GPC1: variants seen among roughly 807,000 people sequenced by gnomAD.
GPC1 encodes glypican-1.
A neutral mutation model predicts 51.5 loss-of-function variants in GPC1; 26 were observed. The ratio of observed to expected loss-of-function variants is 0.50; its 90% confidence interval spans 0.37 to 0.70. GPC1 has a LOEUF of 0.70. Ranked by LOEUF, GPC1 falls within the 30% of genes least tolerant of loss-of-function variation. The pLI is 0.00. For synonymous variants in GPC1, 380 were observed against 348.3 expected (o/e 1.09, Z -1.01); for missense variants, 775 against 800.5 (o/e 0.97, Z 0.38).
At chr2:240,462,656 C>G in intron 3 of GPC1, 74 bp downstream of exon 3, 1 of 1,369,004 alleles carries the variant, frequency 7.3e-7, no homozygotes, top group Non-Finnish European at 9.8e-7. Flanking sequence ...TTCCTCTTCC[C>G]CCTACTTTAA....
chr2:240,461,407 C>G (rs1264260585), intron 2 of GPC1, among the ~76,000 whole-genome samples: 1 of 152,230 alleles, frequency 6.6e-6, no homozygotes, highest in Non-Finnish European at 1.5e-5. Flanking sequence ...TAGGGACGCT[C>G]TGAGCAGTTA....
In GPC1 at chr2:240,435,951, A is replaced by T. The variant is rs1197256053; in HGVS notation, c.33A>T (p.Leu11=). Residue 11 remains leucine (L), a synonymous_variant, in exon 1 of 9, where the codon CTA becomes CTT. Transcript: ENST00000264039. ...TCCGGGCCCGAGGCTGGTGGCTGCTATGTGCGGCCGCAGCGCTGGTCGCCT... is the reference window on the plus strand; with the variant it reads ...TCCGGGCCCGAGGCTGGTGGCTGCTTTGTGCGGCCGCAGCGCTGGTCGCCT... The part of the protein sequence containing the change: MELRARGWWL[L]CAAAALVACA... 4 of 1,298,602 alleles carry T rather than the reference A, an allele frequency of 3.1e-6. No homozygotes were observed. Among genetic ancestry groups the T allele is most frequent in the Non-Finnish European group, 3.9e-6 (4 of 1,023,518 alleles). 80.4% of individuals were successfully genotyped at this position (1,298,602 alleles called of 1,614,324 possible).
chr2:240,452,872 G>T lies in GPC1; in HGVS notation c.167-6158G>T, dbSNP rs887587551. ...GCGGCCAGAGTCTCCCGCGCGCCCG[G>T]CGGACCGCAGCCCGCCCTCGTCCCC... On this transcript the variant is annotated intron_variant, in intron 1 of 8. Transcript: ENST00000264039. 165 of 221,174 alleles carry T rather than the reference G, an allele frequency of 7.5e-4. 1 individual carries two copies. The highest frequency in any genetic ancestry group is 5.4e-4 in the Non-Finnish European group (60 of 110,132). 13.7% of individuals were successfully genotyped at this position (221,174 alleles called of 1,614,324 possible).
intron 1 of GPC1, among the ~76,000 whole-genome samples, chr2:240,447,936 G>C (rs912210520): frequency 6.6e-6 from 1 of 152,156 alleles, no homozygotes; most frequent in Non-Finnish European, 1.5e-5. Flanking sequence ...CACCCTGAGC[G>C]CTCACAGCAC....
chr2:240,450,226 C>T (rs1292335675), intron 1 of GPC1: 1 of 321,914 alleles, frequency 3.1e-6, no homozygotes, highest in East Asian at 8.5e-5. Flanking sequence ...GCAGAGGTGC[C>T]TGGGCGGCCA....
At chr2:240,455,801 A>G (rs1336973103) in intron 1 of GPC1, among the ~76,000 whole-genome samples, 1 of 152,172 alleles carries the variant, frequency 6.6e-6, no homozygotes, top group Non-Finnish European at 1.5e-5. Flanking sequence ...GGCCTCTGCC[A>G]TCTCATGTCC....
intron 1 of GPC1, among the ~76,000 whole-genome samples, chr2:240,440,523 G>A (rs1390802726): frequency 1.3e-5 from 2 of 152,116 alleles, no homozygotes; most frequent in South Asian, 2.1e-4. Flanking sequence ...CATTTAGAAC[G>A]TTTAACCGGG....
At chr2:240,436,717 C>G (rs1170560439) in intron 1 of GPC1, among the ~76,000 whole-genome samples, 4 of 152,262 alleles carry the variant, frequency 2.6e-5, no homozygotes, top group Non-Finnish European at 1.5e-5. Flanking sequence ...GGGCGGAACG[C>G]CGCCGCCTCG....
chr2:240,457,217 G>A (rs1274403703), intron 1 of GPC1, among the ~76,000 whole-genome samples: 1 of 152,140 alleles, frequency 6.6e-6, no homozygotes, highest in African/African-American at 2.4e-5. Context: ...AGGAAAAGAG[G>A]GCAAGGAGGG....
At chr2:240,465,303 C>G (rs1288709780) in intron 7 of GPC1, 93 bp downstream of exon 7, 4 of 1,434,062 alleles carry the variant, frequency 2.8e-6, no homozygotes, top group Admixed American at 2.2e-5. Context: ...GGGCCACGTC[C>G]CTTGCTGGAG....
At position 240,465,611 on chromosome 2, in the gene GPC1, C is replaced by A. The variant is rs61737164; in HGVS notation, c.1407C>A (p.Ser469Arg). The A allele has an allele frequency of 1.9e-6, 3 of 1,612,924 alleles. No individual in the cohort carries two copies. Among genetic ancestry groups the A allele is most frequent in the Non-Finnish European group, 2.5e-6 (3 of 1,179,970 alleles). The change falls in exon 8 of 9, where the codon AGC (serine) becomes AGA (arginine). Residue 469 changes from serine to arginine, a missense_variant. Ser to Arg is a moderately radical substitution (Grantham distance 110). Coordinates refer to ENST00000264039, the MANE Select transcript of GPC1 (RefSeq NM_002081.3). Reference sequence around the variant, plus strand: ...AGATCATGACCAACCGGCTGCGCAGCGCCTACAACGGCAACGACGTGGACT... The same window carrying A: ...AGATCATGACCAACCGGCTGCGCAGAGCCTACAACGGCAACGACGTGGACT... ...QLKIMTNRLR[S>R]AYNGNDVDFQ...
At chr2:240,436,678 G>A (rs775821478) in intron 1 of GPC1, among the ~76,000 whole-genome samples, 172 of 152,250 alleles carry the variant, frequency 1.1e-3, no homozygotes, top group Non-Finnish European at 1.7e-3. Context: ...AGTGCGGAGG[G>A]GTGGGGAGGG....
chr2:240,437,661 T>C (rs555684244), intron 1 of GPC1, among the ~76,000 whole-genome samples: 5 of 152,110 alleles, frequency 3.3e-5, no homozygotes, highest in Non-Finnish European at 7.4e-5. Flanking sequence ...TACTCACACA[T>C]AAAGAGGCAT....
chr2:240,458,756 C>T (rs1363276872), intron 1 of GPC1: 4 of 424,252 alleles, frequency 9.4e-6, no homozygotes, highest in Non-Finnish European at 1.7e-5. Flanking sequence ...GGACAGCAGG[C>T]TGGGGGGCAG....
intron 2 of GPC1, among the ~76,000 whole-genome samples, chr2:240,459,933 G>C (rs921558572): frequency 1.3e-5 from 2 of 152,136 alleles, no homozygotes; most frequent in Non-Finnish European, 2.9e-5. Context: ...CCCTGTGTCC[G>C]GGCGGAGCCA....
At chr2:240,460,721 A>T (rs2074208432) in intron 2 of GPC1, among the ~76,000 whole-genome samples, 1 of 152,082 alleles carries the variant, frequency 6.6e-6, no homozygotes, top group African/African-American at 2.4e-5. Context: ...CCCTTTGGGG[A>T]CATTTGTATT....
intron 1 of GPC1, chr2:240,455,955 C>T (rs1400978075): frequency 2.4e-6 from 1 of 411,178 alleles, no homozygotes; most frequent in Admixed American, 2.8e-5. Context: ...GCCCGAGGCT[C>T]CCAGGCCTTC....
intron 2 of GPC1, among the ~76,000 whole-genome samples, chr2:240,461,069 G>A (rs1204916941): frequency 1.3e-5 from 2 of 152,246 alleles, no homozygotes; most frequent in Non-Finnish European, 2.9e-5. Context: ...TTGGCCCATG[G>A]CCCTCTAGGT....
chr2:240,451,854 T>C (rs1242683579), intron 1 of GPC1: 1 of 153,432 alleles, frequency 6.5e-6, no homozygotes, highest in African/African-American at 2.4e-5. Context: ...CGCCCAGACC[T>C]GGCGTCTGCC....
Sources: gnomAD v4.1 joint callset for allele counts (sites outside exome capture counted in the v4.1 genomes callset) on GRCh38, gnomAD v4.1.1 for gene constraint, MANE v1.5 for transcripts, NCBI Gene and HGNC (gene_info 2026-07-23, HGNC 2026-07-21) for gene names.